LPP: variants seen among roughly 807,000 people sequenced by gnomAD.
The protein encoded by LPP is LIM domain containing preferred translocation partner in lipoma.
Under a neutral mutation model 60.4 loss-of-function variants are expected in LPP, and 38 were observed. That is an observed-to-expected ratio of 0.63 (90% confidence interval 0.49 to 0.83). The LOEUF (loss-of-function observed/expected upper bound fraction) is 0.83, where lower values mean the gene tolerates loss of function less well. Among genes scored for constraint, LPP ranks in the 40% least tolerant of loss-of-function variants. LPP has a pLI of 0.00. For synonymous variants in LPP, 328 were observed against 290.8 expected, an observed-to-expected ratio of 1.13 and a Z score of -1.30; for missense variants, 902 against 783.6, an observed-to-expected ratio of 1.15 and a Z score of -1.80.
chr3:188,655,703 C>T (rs1453934528), intron 7 of LPP, among the ~76,000 whole-genome samples: 2 of 152,062 alleles, frequency 1.3e-5, no homozygotes, highest in African/African-American at 4.8e-5. Flanking sequence ...GAGTTCTTCT[C>T]CAAGGATCAA....
intron 6 of LPP, among the ~76,000 whole-genome samples, chr3:188,565,438 G>A (rs548702775): frequency 2.0e-5 from 3 of 151,968 alleles, no homozygotes; most frequent in Non-Finnish European, 4.4e-5. Context: ...GTAGACCAAT[G>A]TTCCACTAGT....
At chr3:188,442,369 C>T (rs540864741) in intron 4 of LPP, among the ~76,000 whole-genome samples, 5 of 152,200 alleles carry the variant, frequency 3.3e-5, no homozygotes, top group East Asian at 3.9e-4. Flanking sequence ...TGAGAACATG[C>T]GGTCAACATA....
chr3:188,808,292 T>C (rs1455975998), intron 9 of LPP, among the ~76,000 whole-genome samples: 2 of 152,068 alleles, frequency 1.3e-5, no homozygotes, highest in Admixed American at 1.3e-4. Context: ...TGTAAATTAG[T>C]TTTGTGGTTG....
At chr3:188,757,837 T>G (rs1165506009) in intron 8 of LPP, among the ~76,000 whole-genome samples, 3 of 151,812 alleles carry the variant, frequency 2.0e-5, no homozygotes, top group African/African-American at 7.3e-5. Context: ...CTGTTAGAAT[T>G]TAAGCATGAT....
At chr3:188,545,209 C>A (rs1233273197) in intron 6 of LPP, among the ~76,000 whole-genome samples, 11 of 132,824 alleles carry the variant, frequency 8.3e-5, no homozygotes, top group African/African-American at 3.2e-4. Flanking sequence ...ACATATGTAA[C>A]TAACCTGCAC....
At chr3:188,203,501 A>T (rs1221785888) in intron 1 of LPP, among the ~76,000 whole-genome samples, 1 of 65,126 alleles carries the variant, frequency 1.5e-5, no homozygotes, top group Non-Finnish European at 2.7e-5. Flanking sequence ...AAATATATAT[A>T]AATATATATA....
At chr3:188,601,541 A>G (rs925301871) in intron 6 of LPP, among the ~76,000 whole-genome samples, 2 of 152,192 alleles carry the variant, frequency 1.3e-5, no homozygotes, top group African/African-American at 4.8e-5. Flanking sequence ...TATGTCACTC[A>G]TAGCCCCTAA....
intron 2 of LPP, among the ~76,000 whole-genome samples, chr3:188,262,365 G>A (rs1733969016): frequency 6.6e-6 from 1 of 151,778 alleles, no homozygotes; most frequent in African/African-American, 2.4e-5. Context: ...ATGTACTCAT[G>A]TATAGGTTTT....
rs368523740 is a variant in LPP, at chr3:188,206,219, C to T, written c.-189-19186C>T. 7.9e-5 allele frequency among the ~76,000 whole-genome samples: 12 copies of T among 152,186 alleles called. No individual in the cohort carries two copies. The East Asian group carries it at 1.4e-3, about 17-fold the overall frequency. ...AAGGAAAGGTTTAATCTGTCCAGAT[C>T]CCTGTGAAGATCTTGGCTCTTGGCG... On this transcript the variant is annotated intron_variant, in intron 1 of 11. Transcript: ENST00000617246.
At chr3:188,693,453 G>T (rs1862539780) in intron 7 of LPP, among the ~76,000 whole-genome samples, 1 of 152,128 alleles carries the variant, frequency 6.6e-6, no homozygotes, top group Non-Finnish European at 1.5e-5. Flanking sequence ...TAACAGAGAT[G>T]TTTCTCTCTG....
intron 4 of LPP, among the ~76,000 whole-genome samples, chr3:188,408,332 G>C (rs2148893986): frequency 6.6e-6 from 1 of 152,244 alleles, no homozygotes; most frequent in Non-Finnish European, 1.5e-5. Context: ...GCATATATGA[G>C]ATAGGTAGAA....
At chr3:188,233,389 G>T (rs186144474) in intron 2 of LPP, among the ~76,000 whole-genome samples, 210 of 152,256 alleles carry the variant, frequency 1.4e-3, no homozygotes, top group African/African-American at 4.9e-3. Context: ...AGTGTCTCTG[G>T]GACCTGCTCA....
intron 3 of LPP, among the ~76,000 whole-genome samples, chr3:188,355,622 T>C (rs1472411588): frequency 6.6e-6 from 1 of 152,068 alleles, no homozygotes; most frequent in African/African-American, 2.4e-5. Flanking sequence ...ACAAGTAATA[T>C]ATAGAGTGCA....
intron 6 of LPP, among the ~76,000 whole-genome samples, chr3:188,525,147 A>G (rs1470239374): frequency 6.6e-6 from 1 of 151,736 alleles, no homozygotes; most frequent in Non-Finnish European, 1.5e-5. Flanking sequence ...TTGTATTTTT[A>G]GTAGAGACCG....
chr3:188,789,584 T>G (rs1743045907), intron 9 of LPP, among the ~76,000 whole-genome samples: 1 of 152,206 alleles, frequency 6.6e-6, no homozygotes, highest in Admixed American at 6.5e-5. Context: ...TCTGTGGTGC[T>G]TTCCAGCTTT....
At chr3:188,674,187 G>A (rs1215146438) in intron 7 of LPP, among the ~76,000 whole-genome samples, 1 of 152,012 alleles carries the variant, frequency 6.6e-6, no homozygotes, top group African/African-American at 2.4e-5. Context: ...AGTACACTCT[G>A]GGATACTAGG....
intron 7 of LPP, among the ~76,000 whole-genome samples, chr3:188,628,964 T>C (rs1217943438): frequency 1.3e-5 from 2 of 152,092 alleles, no homozygotes; most frequent in East Asian, 3.9e-4. Context: ...CACAAATCAA[T>C]GAATGTGATT....
chr3:188,265,876 T>TGTGTGTGTGTGTGC (rs1735347714), intron 2 of LPP, among the ~76,000 whole-genome samples: 1 of 147,288 alleles, frequency 6.8e-6, no homozygotes, highest in Non-Finnish European at 1.5e-5. Flanking sequence ...CTCTGGTGTG[T>TGTGTGTGTGTGTGC]GTGTGTGTGT....
chr3:188,360,202 A>G (rs1768859723), intron 3 of LPP, among the ~76,000 whole-genome samples: 1 of 152,220 alleles, frequency 6.6e-6, no homozygotes, highest in South Asian at 2.1e-4. Context: ...CCCGGCCTGC[A>G]TCGGAATTAG....
Sources: allele counts gnomAD v4.1 joint callset (sites outside exome capture counted in the v4.1 genomes callset), GRCh38; gene constraint gnomAD v4.1.1; transcripts MANE v1.5; gene names NCBI Gene and HGNC (gene_info 2026-07-23, HGNC 2026-07-21).